CRACR2A: variants seen among roughly 807,000 people sequenced by gnomAD.
CRACR2A encodes EF-hand calcium-binding domain-containing protein 4B.
In CRACR2A, 79 loss-of-function variants were observed where a neutral mutation model predicts 90.5. The ratio of observed to expected loss-of-function variants is 0.87; its 90% CI spans 0.73 to 1.05. The LOEUF (loss-of-function observed/expected upper bound fraction) is 1.05, where lower values mean the gene tolerates loss of function less well. Among genes scored for constraint, CRACR2A ranks in the 50% least tolerant of loss-of-function variants. CRACR2A has a pLI of 0.00. For synonymous variants in CRACR2A, 338 were observed against 356.7 expected, an observed-to-expected ratio of 0.95 and a Z score of 0.59; for missense variants, 823 against 897.2, an observed-to-expected ratio of 0.92 and a Z score of 1.06.
chr12:3,720,464 A>AAGCAAGCAAGCAAGCAAGCAAGC (rs1946152835), intron 2 of CRACR2A, among the ~76,000 whole-genome samples: 5 of 150,792 alleles, frequency 3.3e-5, no homozygotes, highest in Admixed American at 1.3e-4. Context: ...AGAAAGAAAG[A>AAGCAAGCAAGCAAGCAAGCAAGC]AAGCAAAAGA....
chr12:3,747,295 C>T (rs992094288), intron 1 of CRACR2A, among the ~76,000 whole-genome samples: 3 of 152,162 alleles, frequency 2.0e-5, no homozygotes, highest in Admixed American at 6.5e-5. Flanking sequence ...TTTCATAAAA[C>T]GGTTACAAAG....
At chr12:3,681,222 G>A (rs534909979) in intron 4 of CRACR2A, among the ~76,000 whole-genome samples, 5 of 152,280 alleles carry the variant, frequency 3.3e-5, no homozygotes, top group South Asian at 2.1e-4. Flanking sequence ...CCCAGGCCCC[G>A]AGTCCAGGTT....
At chr12:3,623,637 A>G (rs1249200172) in intron 17 of CRACR2A, among the ~76,000 whole-genome samples, 1 of 152,170 alleles carries the variant, frequency 6.6e-6, no homozygotes, top group African/African-American at 2.4e-5. Context: ...CAATTGAGAT[A>G]AGAAATTGGG....
At chr12:3,619,475 C>T (rs1867769864) in intron 17 of CRACR2A, 103 bp from the exon 18 acceptor site, 5 of 860,002 alleles carry the variant, frequency 5.8e-6, no homozygotes, top group East Asian at 2.7e-5. Context: ...CTTGAGAATC[C>T]CCTGCTGCCA....
intron 2 of CRACR2A, 99 bp from the exon 3 acceptor site, chr12:3,713,416 T>A: frequency 2.2e-6 from 1 of 448,774 alleles, no homozygotes; most frequent in Non-Finnish European, 2.9e-6. Context: ...GGAGGAAACA[T>A]TGCTCCTACC....
At chr12:3,669,678 T>C (rs1591673342) in intron 7 of CRACR2A, among the ~76,000 whole-genome samples, 1 of 152,070 alleles carries the variant, frequency 6.6e-6, no homozygotes, top group Non-Finnish European at 1.5e-5. Flanking sequence ...CTCTGAGGGG[T>C]TCTCCTGGCC....
Position 3,746,130 on chromosome 12 carries a change from T to C in CRACR2A, c.-387+6885A>G, listed in dbSNP as rs972761572. ...CTCTAAAGCCATGAGAAATATACTT[T>C]ACTTACTTGCCTATAAACACTAACA... On this transcript the variant is annotated intron_variant, in intron 1 of 19. Coordinates refer to ENST00000440314, the MANE Select transcript of CRACR2A (RefSeq NM_001144958.2). This position sits in a 1 kb window ranked among gnomAD's most constrained non-coding sequence, Gnocchi z 4.4. 1.1e-4 allele frequency among the ~76,000 whole-genome samples: 16 copies of C among 152,220 alleles called. No individual in the cohort carries two copies. The highest frequency in any genetic ancestry group is 1.8e-4 in the Non-Finnish European group (12 of 68,038).
chr12:3,723,506 C>T (rs534110239), intron 2 of CRACR2A, among the ~76,000 whole-genome samples: 18 of 152,180 alleles, frequency 1.2e-4, no homozygotes, highest in Middle Eastern at 3.4e-3. Context: ...CAACTGGAAA[C>T]GTTTTCACAC....
chr12:3,646,703 T>A (rs1432687415), intron 11 of CRACR2A, among the ~76,000 whole-genome samples: 1 of 152,152 alleles, frequency 6.6e-6, no homozygotes, highest in Non-Finnish European at 1.5e-5. Flanking sequence ...CGCGCGGAGC[T>A]GTGAGTTAGC....
At position 3,616,364 on chromosome 12, in the gene CRACR2A, C is replaced by A. The variant is rs1017028787; in HGVS notation, c.2111+590G>T. On this transcript the variant is annotated intron_variant, in intron 19 of 19. Transcript: ENST00000440314. ...AGATGGATGAATGAATGAGTGAATT[C>A]TTAAGTATCAGAAATGAGTCCCAGC... Among the ~76,000 whole-genome samples the A allele has an allele frequency of 2.5e-4, 38 of 152,178 alleles. 1 individual carries two copies.
At chr12:3,659,432 G>GAA in intron 8 of CRACR2A, 132 bp downstream of exon 8, 1 of 683,680 alleles carries the variant, frequency 1.5e-6, no homozygotes, top group Non-Finnish European at 2.4e-6. Flanking sequence ...TAAATGCCTT[G>GAA]AAAAAAAAAT....
At chr12:3,659,477 T>TG (rs1341066799) in intron 8 of CRACR2A, 87 bp downstream of exon 8, 1 of 1,151,418 alleles carries the variant, frequency 8.7e-7, no homozygotes, top group Admixed American at 1.8e-5. Context: ...AGTGCATGGA[T>TG]GGGGGCACCA....
At chr12:3,629,761 TTCTC>T (rs1305651693) in intron 15 of CRACR2A, among the ~76,000 whole-genome samples, 2 of 150,822 alleles carry the variant, frequency 1.3e-5, no homozygotes, top group African/African-American at 4.9e-5. Context: ...CGCGACGTGT[TTCTC>T]TCTGCAGCCT....
At chr12:3,687,855 T>A (rs960839629) in intron 4 of CRACR2A, among the ~76,000 whole-genome samples, 7 of 152,226 alleles carry the variant, frequency 4.6e-5, no homozygotes, top group Admixed American at 1.3e-4. Context: ...CAGCACCTGT[T>A]ATTTTTTGGC....
intron 8 of CRACR2A, among the ~76,000 whole-genome samples, chr12:3,657,981 A>G (rs1207859453): frequency 1.3e-5 from 2 of 152,184 alleles, no homozygotes; most frequent in Non-Finnish European, 2.9e-5. Flanking sequence ...TAGCACCACT[A>G]TCCTTGATCT....
At chr12:3,686,791 C>T (rs1026495209) in intron 4 of CRACR2A, among the ~76,000 whole-genome samples, 1 of 152,168 alleles carries the variant, frequency 6.6e-6, no homozygotes. Flanking sequence ...CAGTGTGACA[C>T]CTGAGGAGTC....
At position 3,648,538 on chromosome 12, in the gene CRACR2A, G is replaced by A. The variant is rs769781947; in HGVS notation, c.1118+4C>T. 2.4e-5 allele frequency: 39 copies of A among 1,614,160 alleles called. No individual in the cohort carries two copies. The highest frequency in any genetic ancestry group is 6.7e-5 in the African/African-American group (5 of 75,046). Reference sequence around the variant, plus strand: ...TCAGCACAGGCCAGTGCCCACCGACGCACCTTAGGAAATCCAGCTGCTTGA... The same window carrying A: ...TCAGCACAGGCCAGTGCCCACCGACACACCTTAGGAAATCCAGCTGCTTGA... On this transcript the variant is annotated splice_donor_region_variant and intron_variant, in intron 11 of 19. Transcript: ENST00000440314.
chr12:3,681,501 C>A (rs1168123786), intron 4 of CRACR2A, among the ~76,000 whole-genome samples: 1 of 152,214 alleles, frequency 6.6e-6, no homozygotes, highest in Non-Finnish European at 1.5e-5. Context: ...TGGCCCCAAG[C>A]CAAGGCTAAC....
At chr12:3,618,371 AGTGAG>A (rs1271261937) in intron 18 of CRACR2A, among the ~76,000 whole-genome samples, 1 of 152,232 alleles carries the variant, frequency 6.6e-6, no homozygotes, top group African/African-American at 2.4e-5. Flanking sequence ...ATTCACTCAA[AGTGAG>A]GTTACAACCA....
Sources: gnomAD v4.1 joint callset for allele counts (sites outside exome capture counted in the v4.1 genomes callset) on GRCh38, gnomAD v4.1.1 for gene constraint, Gnocchi (gnomAD v3.1) non-coding constraint, MANE v1.5 for transcripts, NCBI Gene and HGNC (gene_info 2026-07-23, HGNC 2026-07-21) for gene names.